BRINP1: variants seen among roughly 807,000 people sequenced by gnomAD.
BRINP1 encodes the protein BMP/retinoic acid-inducible neural-specific protein 1.
A neutral mutation model predicts 72.9 loss-of-function variants in BRINP1; 17 were observed. The ratio of observed to expected loss-of-function variants is 0.23; its 90% confidence interval spans 0.16 to 0.35. The LOEUF is 0.35. BRINP1 is among the 10% of genes least tolerant of loss of function. The probability of loss-of-function intolerance (pLI) is 1.00; values close to 1 mark genes in which losing one functional copy is unlikely to be tolerated. For missense variants in BRINP1, 850 were observed against 1,001.6 expected, an observed-to-expected ratio of 0.85 and a Z score of 2.04; for synonymous variants, 418 against 378.5, an observed-to-expected ratio of 1.10 and a Z score of -1.21.
chr9:119,296,435 T>C (rs1415648282), intron 2 of BRINP1, among the ~76,000 whole-genome samples: 3 of 152,176 alleles, frequency 2.0e-5, no homozygotes, highest in Admixed American at 2.0e-4. Flanking sequence ...ATACAGCCAT[T>C]TTGGAAAACA....
rs546276541 is a variant in BRINP1 at position 119,298,556 on chromosome 9, C to G, written c.218+14582G>C. 2.6e-5 allele frequency among the ~76,000 whole-genome samples: 4 copies of G among 152,074 alleles called. No homozygotes were observed. The South Asian group carries it at 8.3e-4, about 32-fold the overall frequency. ...TATTTGAACATGTCAGCACATGACT[C>G]AAACTGTGCCTTAACTCCAAGTCCT... On this transcript the variant is annotated intron_variant, in intron 2 of 7. Coordinates refer to ENST00000265922, the MANE Select transcript of BRINP1 (RefSeq NM_014618.3).
chr9:119,290,486 A>G (rs1049260634), intron 2 of BRINP1, among the ~76,000 whole-genome samples: 7 of 152,216 alleles, frequency 4.6e-5, no homozygotes, highest in African/African-American at 1.7e-4. Flanking sequence ...CAGAGAACTC[A>G]GAAAGAGAAA....
chr9:119,338,927 G>C (rs1319950227), intron 1 of BRINP1, among the ~76,000 whole-genome samples: 1 of 151,454 alleles, frequency 6.6e-6, no homozygotes, highest in East Asian at 1.9e-4. Context: ...AAAAACACAG[G>C]GGGGTGGGGA....
Position 119,167,065 on chromosome 9 carries a change from C to A in BRINP1, c.*19G>T, listed in dbSNP as rs1311257124. On this transcript the variant is annotated 3_prime_UTR_variant, in exon 8 of 8. Transcript: ENST00000265922. This position sits in a 1 kb window ranked among gnomAD's most constrained non-coding sequence, Gnocchi z 4.3. ...TGTGTGTACAACAACAGGAAAAGTC[C>A]ATGGCAAGGAGTCCCGGGTTAGCAG... 1 of 1,571,600 alleles carries A rather than the reference C, an allele frequency of 6.4e-7. No homozygotes were observed.
At chr9:119,355,972 T>C (rs1384718599) in intron 1 of BRINP1, among the ~76,000 whole-genome samples, 1 of 152,158 alleles carries the variant, frequency 6.6e-6, no homozygotes, top group Non-Finnish European at 1.5e-5. Context: ...CTTTTCTTTT[T>C]AAAAATTTGG....
intron 1 of BRINP1, among the ~76,000 whole-genome samples, chr9:119,358,418 G>T (rs1831593858): frequency 6.8e-6 from 1 of 148,010 alleles, no homozygotes; most frequent in Non-Finnish European, 1.5e-5. Flanking sequence ...GAGAGTCCAG[G>T]CATAGTGGCT....
At chr9:119,190,237 G>A (rs953331472) in intron 7 of BRINP1, among the ~76,000 whole-genome samples, 3 of 151,544 alleles carry the variant, frequency 2.0e-5, no homozygotes, top group Non-Finnish European at 4.4e-5. Flanking sequence ...AATAAATTAA[G>A]GAGTTAGTAA....
intron 2 of BRINP1, among the ~76,000 whole-genome samples, chr9:119,284,216 T>A (rs1265140817): frequency 6.6e-6 from 1 of 152,216 alleles, no homozygotes; most frequent in African/African-American, 2.4e-5. Context: ...GGAGCATGGC[T>A]TAGACCAAGG....
chr9:119,178,947 A>C (rs1829522020), intron 7 of BRINP1, among the ~76,000 whole-genome samples: 1 of 152,310 alleles, frequency 6.6e-6, no homozygotes, highest in South Asian at 2.1e-4. Context: ...CTATTATCAC[A>C]TTCCTTGCTT....
At chr9:119,250,092 GGA>G in intron 2 of BRINP1, among the ~76,000 whole-genome samples, 1 of 89,304 alleles carries the variant, frequency 1.1e-5, no homozygotes, top group Non-Finnish European at 2.7e-5. Context: ...AAGGAAGGAA[GGA>G]AGGAAGAAAA....
At chr9:119,303,002 G>A (rs1240508599) in intron 2 of BRINP1, among the ~76,000 whole-genome samples, 1 of 152,048 alleles carries the variant, frequency 6.6e-6, no homozygotes, top group Non-Finnish European at 1.5e-5. Flanking sequence ...ATAAATATTT[G>A]TTGAATTAAT....
intron 7 of BRINP1, among the ~76,000 whole-genome samples, chr9:119,182,306 T>C (rs1354148695): frequency 6.6e-6 from 1 of 152,158 alleles, no homozygotes; most frequent in Non-Finnish European, 1.5e-5. Context: ...AAGAAGATAA[T>C]TGATTAACAG....
intron 1 of BRINP1, among the ~76,000 whole-genome samples, chr9:119,345,125 T>G (rs1248478741): frequency 6.6e-6 from 1 of 152,220 alleles, no homozygotes; most frequent in African/African-American, 2.4e-5. Context: ...TCATTGAATA[T>G]TCACATACAC....
chr9:119,175,135 CAAAA>C (rs112641044), intron 7 of BRINP1, among the ~76,000 whole-genome samples: 10 of 106,712 alleles, frequency 9.4e-5, no homozygotes, highest in Non-Finnish European at 1.8e-4. Context: ...AAAAAAAAGA[CAAAA>C]AAAAAAAGAA....
intron 7 of BRINP1, among the ~76,000 whole-genome samples, chr9:119,202,184 G>A (rs1411090014): frequency 6.6e-6 from 1 of 152,072 alleles, no homozygotes; most frequent in Non-Finnish European, 1.5e-5. Context: ...TAATTTCTCT[G>A]TTCATAAAGT....
Position 119,238,777 on chromosome 9 carries a change from A to G in BRINP1, c.580-17T>C, listed in dbSNP as rs200042475. 1.3e-6 allele frequency: 2 copies of G among 1,518,110 alleles called. No homozygotes were observed. The highest frequency in any genetic ancestry group is 1.8e-6 in the Non-Finnish European group (2 of 1,098,774). The allele number at this position is 1,518,110 out of a possible 1,614,324, so 94.0% of individuals were successfully genotyped here. A position where few individuals can be genotyped will look rare whatever the true frequency, so the allele number is the denominator to read the frequency against. ...CTCTGTGACCTGCAGTAGATATCAAATAAGATAGGTGTGAGACAGCAGTCC... is the reference window on the plus strand; with the variant it reads ...CTCTGTGACCTGCAGTAGATATCAAGTAAGATAGGTGTGAGACAGCAGTCC... On this transcript the variant is annotated splice_polypyrimidine_tract_variant and intron_variant, in intron 4 of 7. Transcript: ENST00000265922.
intron 1 of BRINP1, among the ~76,000 whole-genome samples, chr9:119,335,947 G>A (rs932509666): frequency 3.3e-5 from 5 of 152,244 alleles, no homozygotes; most frequent in Non-Finnish European, 5.9e-5. Context: ...CTAAGATTTC[G>A]TGCAGTCAGG....
intron 2 of BRINP1, among the ~76,000 whole-genome samples, chr9:119,301,727 C>A (rs1459291424): frequency 1.3e-5 from 2 of 152,112 alleles, no homozygotes; most frequent in African/African-American, 2.4e-5. Context: ...TAAGATGTAA[C>A]CATTGATGAG....
intron 7 of BRINP1, among the ~76,000 whole-genome samples, chr9:119,170,411 T>C (rs375285943): frequency 7.9e-4 from 118 of 149,136 alleles, no homozygotes; most frequent in African/African-American, 2.8e-3. Flanking sequence ...TGAAATGAAG[T>C]GAGAAGGGAA....
Sources: allele counts gnomAD v4.1 joint callset (sites outside exome capture counted in the v4.1 genomes callset), GRCh38; gene constraint gnomAD v4.1.1; non-coding constraint Gnocchi (gnomAD v3.1); transcripts MANE v1.5; gene names NCBI Gene and HGNC (gene_info 2026-07-23, HGNC 2026-07-21).